RAB38: variants seen among roughly 807,000 people sequenced by gnomAD.
The protein encoded by RAB38 is ras-related protein Rab-38.
A neutral mutation model predicts 18.4 loss-of-function variants in RAB38; 15 were observed. That is an observed-to-expected ratio of 0.82 (90% CI 0.55 to 1.26). The LOEUF (loss-of-function observed/expected upper bound fraction) is 1.26, where lower values mean the gene tolerates loss of function less well. Ranked by LOEUF, RAB38 falls within the 50% of genes most tolerant of loss-of-function variation. The pLI, the probability that RAB38 is intolerant of heterozygous loss-of-function variation, is 0.00. For synonymous variants in RAB38, 101 were observed against 104.4 expected, an observed-to-expected ratio of 0.97 and a Z score of 0.20; for missense variants, 294 against 267.4, an observed-to-expected ratio of 1.10 and a Z score of -0.69.
chr11:88,050,191 CCTT>C, the RAB38 span: 1 of 152,156 alleles, frequency 6.6e-6, no homozygotes, highest in Non-Finnish European at 1.5e-5. Context: ...ATGTAAGTAT[CCTT>C]CTTTTTATAA....
chr11:88,058,408 G>T, the RAB38 span, among the ~76,000 whole-genome samples: 4 of 152,158 alleles, frequency 2.6e-5, no homozygotes, highest in African/African-American at 4.8e-5. Flanking sequence ...GCAACTTTGA[G>T]AATCTACTTC....
chr11:87,967,082 C>A, the RAB38 span, among the ~76,000 whole-genome samples: 1 of 152,176 alleles, frequency 6.6e-6, no homozygotes, highest in African/African-American at 2.4e-5. Flanking sequence ...TGAAGGCAGT[C>A]AAATAATTTG....
downstream of RAB38, among the ~76,000 whole-genome samples, chr11:88,108,850 G>C (rs1942436793): frequency 6.6e-6 from 1 of 152,158 alleles, no homozygotes; most frequent in Non-Finnish European, 1.5e-5. Context: ...AAATCTCTCA[G>C]CATTTGCCTT....
At chr11:88,028,524 A>T in the RAB38 span, among the ~76,000 whole-genome samples, 3 of 152,208 alleles carry the variant, frequency 2.0e-5, no homozygotes, top group African/African-American at 7.2e-5. Flanking sequence ...CAATACAGAG[A>T]AGTGCTTAAA....
At chr11:87,846,587 AC>A in the RAB38 span, among the ~76,000 whole-genome samples, 67 of 152,100 alleles carry the variant, frequency 4.4e-4, no homozygotes, top group East Asian at 0.013. Context: ...TTAAAGAAAT[AC>A]AATTTTTTTG....
the RAB38 span, among the ~76,000 whole-genome samples, chr11:87,950,177 A>C: frequency 6.6e-6 from 1 of 152,112 alleles, no homozygotes; most frequent in African/African-American, 2.4e-5. Flanking sequence ...TTGTTGGTTT[A>C]AAGTCTGTTT....
the RAB38 span, among the ~76,000 whole-genome samples, chr11:87,962,790 C>A: frequency 9.1e-4 from 138 of 152,040 alleles, no homozygotes; most frequent in African/African-American, 3.2e-3. Flanking sequence ...TTCAAAATTG[C>A]TAAGAGTAAA....
At chr11:88,015,561 A>T in the RAB38 span, among the ~76,000 whole-genome samples, 1 of 152,116 alleles carries the variant, frequency 6.6e-6, no homozygotes, top group African/African-American at 2.4e-5. Context: ...CAGGATATGG[A>T]AATGTGTTAA....
chr11:88,072,381 T>A, the RAB38 span, among the ~76,000 whole-genome samples: 6 of 151,154 alleles, frequency 4.0e-5, no homozygotes, highest in Non-Finnish European at 8.9e-5. Flanking sequence ...TGATCTACAA[T>A]AAAGGAACAA....
the RAB38 span, among the ~76,000 whole-genome samples, chr11:88,080,500 C>T: frequency 1.3e-5 from 2 of 151,336 alleles, no homozygotes; most frequent in African/African-American, 2.4e-5. Context: ...TGATGCAAGC[C>T]GAATCAAAAT....
chr11:88,157,528 A>G (rs1277833460), intron 1 of RAB38, among the ~76,000 whole-genome samples: 1 of 152,180 alleles, frequency 6.6e-6, no homozygotes, highest in African/African-American at 2.4e-5. Flanking sequence ...CTACCCATCA[A>G]CCACAGAATA....
the RAB38 span, among the ~76,000 whole-genome samples, chr11:88,105,339 T>C: frequency 1.3e-5 from 2 of 152,142 alleles, no homozygotes; most frequent in Non-Finnish European, 2.9e-5. Context: ...TTTATATACT[T>C]TTTACTAGCA....
the RAB38 span, among the ~76,000 whole-genome samples, chr11:88,033,858 G>A: frequency 6.6e-6 from 1 of 150,704 alleles, no homozygotes; most frequent in Admixed American, 6.6e-5. Flanking sequence ...CTCCCAAGTA[G>A]CTGGGACTAC....
the RAB38 span, among the ~76,000 whole-genome samples, chr11:87,976,125 T>G: frequency 6.7e-6 from 1 of 149,422 alleles, no homozygotes; most frequent in Non-Finnish European, 1.5e-5. Context: ...TGTAAATATA[T>G]ATATGTGTGT....
chr11:87,804,944 A>C, the RAB38 span, among the ~76,000 whole-genome samples: 1 of 152,194 alleles, frequency 6.6e-6, no homozygotes, highest in Non-Finnish European at 1.5e-5. Context: ...ATTTGAATTC[A>C]AAAAAAGTCG....
At chr11:88,036,943 A>T in the RAB38 span, among the ~76,000 whole-genome samples, 1 of 151,978 alleles carries the variant, frequency 6.6e-6, no homozygotes, top group Non-Finnish European at 1.5e-5. Flanking sequence ...AGGAAACATG[A>T]TTTCCTAGTT....
the RAB38 span, among the ~76,000 whole-genome samples, chr11:87,908,164 G>A: frequency 6.6e-6 from 1 of 151,904 alleles, no homozygotes; most frequent in South Asian, 2.1e-4. Context: ...TCATAAGAGA[G>A]AATGAAATCT....
chr11:87,922,290 G>A, the RAB38 span, among the ~76,000 whole-genome samples: 1 of 151,938 alleles, frequency 6.6e-6, no homozygotes, highest in African/African-American at 2.4e-5. Flanking sequence ...ACCCTCTAAC[G>A]AGGAGAATTC....
the RAB38 span, among the ~76,000 whole-genome samples, chr11:87,869,025 G>A: frequency 4.6e-5 from 7 of 151,712 alleles, no homozygotes. Flanking sequence ...CTTTCTAGCT[G>A]AGAACTTGCT....
Sources: gnomAD v4.1 joint callset for allele counts (sites outside exome capture counted in the v4.1 genomes callset) on GRCh38, gnomAD v4.1.1 for gene constraint, MANE v1.5 for transcripts, NCBI Gene and HGNC (gene_info 2026-07-23, HGNC 2026-07-21) for gene names.